COL28A1: variants seen among roughly 807,000 people sequenced by gnomAD.
COL28A1 encodes collagen type XXVIII alpha 1 chain.
In COL28A1, 161 loss-of-function variants were observed where a neutral mutation model predicts 150.2. That is an observed-to-expected ratio of 1.07 (90% CI 0.94 to 1.22). The LOEUF (loss-of-function observed/expected upper bound fraction) is 1.22, where lower values mean the gene tolerates loss of function less well. Among genes scored for constraint, COL28A1 ranks in the 50% most tolerant of loss-of-function variants. The pLI is 0.00. For missense variants in COL28A1, 1,617 were observed against 1,388.3 expected (o/e 1.16, Z -2.62); for synonymous variants, 552 against 469.7 (o/e 1.18, Z -2.26).
intron 3 of COL28A1, among the ~76,000 whole-genome samples, chr7:7,525,964 G>A (rs1036927221): frequency 6.6e-6 from 1 of 152,102 alleles, no homozygotes; most frequent in Non-Finnish European, 1.5e-5. Flanking sequence ...CCAACCAAAC[G>A]ATTTTAAATT....
At chr7:7,439,360 CA>C (rs549369705) in intron 21 of COL28A1, among the ~76,000 whole-genome samples, 2 of 151,956 alleles carry the variant, frequency 1.3e-5, no homozygotes, top group African/African-American at 2.4e-5. Flanking sequence ...TCGGGAAACA[CA>C]AAAAAACCCC....
At chr7:7,438,539 G>A (rs1253490588) in intron 21 of COL28A1, among the ~76,000 whole-genome samples, 2 of 152,122 alleles carry the variant, frequency 1.3e-5, no homozygotes, top group African/African-American at 4.8e-5. Flanking sequence ...AAGCACCCCT[G>A]GTGAAAAACA....
intron 11 of COL28A1, among the ~76,000 whole-genome samples, chr7:7,490,990 T>C (rs184975515): frequency 1.3e-5 from 2 of 152,338 alleles, no homozygotes; most frequent in East Asian, 1.9e-4. Context: ...TTAATGTGTT[T>C]ATGGAGGAAG....
intron 18 of COL28A1, among the ~76,000 whole-genome samples, chr7:7,445,424 G>C (rs1267680650): frequency 6.6e-6 from 1 of 152,150 alleles, no homozygotes; most frequent in Admixed American, 6.5e-5. Flanking sequence ...TAACCCTGCA[G>C]ACTGATTTTG....
chr7:7,437,355 AG>A (rs751933238), intron 22 of COL28A1, 38 bp downstream of exon 22: 2 of 1,576,980 alleles, frequency 1.3e-6, no homozygotes, highest in Non-Finnish European at 1.7e-6. Flanking sequence ...CAACTGCCAA[AG>A]GGTCAAGAAA....
intron 3 of COL28A1, among the ~76,000 whole-genome samples, chr7:7,529,916 T>C (rs1782252922): frequency 6.6e-6 from 1 of 152,156 alleles, no homozygotes; most frequent in African/African-American, 2.4e-5. Context: ...CTGCTCAGAA[T>C]GAGTACTTAC....
chr7:7,455,152 G>A (rs1313597595), intron 16 of COL28A1, among the ~76,000 whole-genome samples: 1 of 152,084 alleles, frequency 6.6e-6, no homozygotes, highest in Non-Finnish European at 1.5e-5. Context: ...GATACAGAAA[G>A]CACTATTCAT....
chr7:7,501,493 G>A (rs969137831), intron 11 of COL28A1, among the ~76,000 whole-genome samples: 1 of 152,074 alleles, frequency 6.6e-6, no homozygotes, highest in African/African-American at 2.4e-5. Flanking sequence ...GAGTGGATTT[G>A]CATGAGATTT....
downstream of COL28A1, among the ~76,000 whole-genome samples, chr7:7,353,522 T>G (rs1297299077): frequency 6.6e-6 from 1 of 152,212 alleles, no homozygotes; most frequent in African/African-American, 2.4e-5. Context: ...GTGTTTTCCC[T>G]GGATTTGCCC....
At chr7:7,478,782 C>T (rs979406802) in intron 13 of COL28A1, among the ~76,000 whole-genome samples, 18 of 152,376 alleles carry the variant, frequency 1.2e-4, no homozygotes, top group South Asian at 8.3e-4. Flanking sequence ...CAGCTGCTGG[C>T]GCGGGTGCTA....
In COL28A1 at chr7:7,419,317, C is replaced by G. The variant is rs539633887; in HGVS notation, c.2067+568G>C. On this transcript the variant is annotated intron_variant, in intron 26 of 34. Coordinates refer to ENST00000399429, the MANE Select transcript of COL28A1 (RefSeq NM_001037763.3). ...ACCAAAAAATGTCCCTAGACATTGC[C>G]ACATGTTCTCTGAAGCCAGGGAAGG... 7.4e-4 allele frequency among the ~76,000 whole-genome samples: 112 copies of G among 152,246 alleles called. 1 individual carries two copies. Among genetic ancestry groups the G allele is most frequent in the African/African-American group, 2.5e-3 (104 of 41,538 alleles).
At chr7:7,427,236 T>C (rs1011121842) in intron 25 of COL28A1, among the ~76,000 whole-genome samples, 1 of 152,218 alleles carries the variant, frequency 6.6e-6, no homozygotes, top group Admixed American at 6.5e-5. Context: ...TGGTCTTGGA[T>C]ATGACCCTTT....
chr7:7,392,988 A>C (rs575427855), intron 27 of COL28A1, among the ~76,000 whole-genome samples: 1 of 152,088 alleles, frequency 6.6e-6, no homozygotes, highest in Admixed American at 6.5e-5. Context: ...CAATTCGTTA[A>C]ATTCATTCTC....
At chr7:7,499,120 C>G (rs1056994395) in intron 11 of COL28A1, among the ~76,000 whole-genome samples, 1 of 152,054 alleles carries the variant, frequency 6.6e-6, no homozygotes, top group African/African-American at 2.4e-5. Context: ...GCATGTAGGT[C>G]AAAGCCTTTT....
downstream of COL28A1, among the ~76,000 whole-genome samples, chr7:7,354,082 T>G (rs967740605): frequency 2.0e-5 from 3 of 152,050 alleles, no homozygotes; most frequent in Admixed American, 6.5e-5. Context: ...AACCTTGACC[T>G]CTTGGACTCA....
the COL28A1 span, among the ~76,000 whole-genome samples, chr7:7,345,070 G>A: frequency 2.6e-5 from 4 of 151,918 alleles, no homozygotes; most frequent in South Asian, 2.1e-4. Flanking sequence ...GGTGGGGGGC[G>A]TTCTCTTTTG....
chr7:7,540,733 A>G (rs1782769752), upstream of COL28A1, among the ~76,000 whole-genome samples: 1 of 152,220 alleles, frequency 6.6e-6, no homozygotes, highest in Non-Finnish European at 1.5e-5. Flanking sequence ...ACAAATCATC[A>G]TGGGCTAAGT....
chr7:7,532,617 A>G, intron 2 of COL28A1, 135 bp downstream of exon 2: 1 of 1,148,882 alleles, frequency 8.7e-7, no homozygotes, highest in Non-Finnish European at 1.2e-6. Flanking sequence ...TTATCATCAT[A>G]TAATTTTATC....
the COL28A1 span, among the ~76,000 whole-genome samples, chr7:7,344,957 C>T: frequency 6.6e-6 from 1 of 151,326 alleles, no homozygotes; most frequent in Non-Finnish European, 1.5e-5. Flanking sequence ...TGCAGGTGCA[C>T]AACCAAAAGA....
Sources: allele counts gnomAD v4.1 joint callset (sites outside exome capture counted in the v4.1 genomes callset), GRCh38; gene constraint gnomAD v4.1.1; transcripts MANE v1.5; gene names NCBI Gene and HGNC (gene_info 2026-07-23, HGNC 2026-07-21).